The following TFAP4 variants were observed in gnomAD, a reference collection of about 807,000 sequenced individuals.
TFAP4 encodes transcription factor AP-4.
In TFAP4, 7 loss-of-function variants were observed where a neutral mutation model predicts 40.4. The ratio of observed to expected loss-of-function variants is 0.17; its 90% confidence interval spans 0.10 to 0.33. The LOEUF (loss-of-function observed/expected upper bound fraction) is 0.33. Ranked by LOEUF, TFAP4 falls within the 10% of genes least tolerant of loss-of-function variation. The pLI is 1.00. For synonymous variants in TFAP4, 218 were observed against 181.4 expected (o/e 1.20, Z -1.62); for missense variants, 374 against 451.1 (o/e 0.83, Z 1.55).
intron 1 of TFAP4, chr16:4,263,492 G>T (rs1388965570): frequency 6.6e-6 from 1 of 152,264 alleles, no homozygotes; most frequent in Non-Finnish European, 1.5e-5. Context: ...GACTGAGGAA[G>T]ACGTCCCCAC....
chr16:4,260,023 T>G (rs924072006), intron 6 of TFAP4, 67 bp downstream of exon 6: 3 of 1,493,934 alleles, frequency 2.0e-6, no homozygotes, highest in Non-Finnish European at 2.7e-6. Flanking sequence ...TCTTTTCCAG[T>G]CTCCCCTAAA....
intron 1 of TFAP4, among the ~76,000 whole-genome samples, chr16:4,271,415 G>A (rs1271417938): frequency 2.0e-5 from 3 of 152,236 alleles, no homozygotes; most frequent in African/African-American, 7.2e-5. Flanking sequence ...AGGGGCCACA[G>A]GTCCCAAACT....
At chr16:4,262,746 A>T (rs367668965) in intron 1 of TFAP4, 45 bp from the exon 2 acceptor site, 1 of 1,590,652 alleles carries the variant, frequency 6.3e-7, no homozygotes, top group Non-Finnish European at 8.5e-7. Context: ...CGCCCTCTTC[A>T]TCATTCATCT....
intron 4 of TFAP4, 92 bp downstream of exon 4, chr16:4,261,687 G>A: frequency 2.2e-6 from 3 of 1,376,420 alleles, no homozygotes; most frequent in South Asian, 1.5e-5. Flanking sequence ...CTGTAAATAG[G>A]GCTCCACCGA....
In TFAP4 at chr16:4,257,786, T is replaced by G. The variant is rs2052908367; in HGVS notation, c.*269A>C. On this transcript the variant is annotated 3_prime_UTR_variant, in exon 7 of 7. Transcript: ENST00000204517. The stretch of plus-strand genomic sequence containing the variant: ...TTTTGGCAGAGAGAGGCCAGGCATC[T>G]CCGTGTCAGCTTCCTCCAGCCCCCG... The G allele has an allele frequency of 2.6e-6, 1 of 388,884 alleles. No individual in the cohort carries two copies. The highest frequency in any genetic ancestry group is 6.5e-5 in the South Asian group (1 of 15,376). The allele number at this position is 388,884 out of a possible 1,614,324, so 24.1% of individuals were successfully genotyped here.
chr16:4,271,105 G>A (rs2053036567), intron 1 of TFAP4, among the ~76,000 whole-genome samples: 1 of 152,270 alleles, frequency 6.6e-6, no homozygotes, highest in Non-Finnish European at 1.5e-5. Flanking sequence ...GCAAGGGCCA[G>A]CCCTCGGGGC....
At chr16:4,269,810 A>AAAAC (rs34126956) in intron 1 of TFAP4, among the ~76,000 whole-genome samples, 32 of 150,608 alleles carry the variant, frequency 2.1e-4, no homozygotes, top group African/African-American at 2.9e-4. Context: ...AGTCCATCTC[A>AAAAC]AAACAAACAA....
chr16:4,259,202 C>T (rs1262714968), intron 6 of TFAP4, among the ~76,000 whole-genome samples: 1 of 152,026 alleles, frequency 6.6e-6, no homozygotes, highest in Non-Finnish European at 1.5e-5. Context: ...GGTGCAATCT[C>T]AGCTCACTGC....
intron 6 of TFAP4, chr16:4,258,533 TCCC>T: frequency 3.4e-6 from 1 of 291,552 alleles, no homozygotes; most frequent in South Asian, 1.1e-4. Flanking sequence ...TACTGCTCCC[TCCC>T]TAGTAGCTGG....
At chr16:4,267,340 A>C (rs2053006162) in intron 1 of TFAP4, among the ~76,000 whole-genome samples, 1 of 152,186 alleles carries the variant, frequency 6.6e-6, no homozygotes, top group African/African-American at 2.4e-5. Flanking sequence ...AGCCACACCA[A>C]GGCTCTCTTG....
intron 6 of TFAP4, among the ~76,000 whole-genome samples, chr16:4,259,609 G>C (rs1281052084): frequency 6.6e-6 from 1 of 151,904 alleles, no homozygotes; most frequent in Non-Finnish European, 1.5e-5. Context: ...TTCTGATCTT[G>C]GGCTCCTCAA....
In TFAP4 at chr16:4,265,609, C is replaced by CAAAAAAAAAAAA. The variant is rs71394667; in HGVS notation, c.90-2920_90-2909dup. 12 of 39,092 alleles carry CAAAAAAAAAAAA rather than the reference C, an allele frequency of 3.1e-4. 2 individuals are homozygous for CAAAAAAAAAAAA. The highest frequency in any genetic ancestry group is 1.1e-3 in the African/African-American group (10 of 9,192). 2.4% of individuals were successfully genotyped at this position (39,092 alleles called of 1,614,324 possible). A position where few individuals can be genotyped will look rare whatever the true frequency, so the allele number is the denominator to read the frequency against. On this transcript the variant is annotated intron_variant, in intron 1 of 6. Coordinates refer to ENST00000204517, the MANE Select transcript of TFAP4 (RefSeq NM_003223.3). ...TGGGCAACAGAGTGAGACCTTGTCT[C>CAAAAAAAAAAAA]AAAAAAAAAAAAAAAAAAAAAAAAA...
chr16:4,262,792 G>A, intron 1 of TFAP4, 91 bp from the exon 2 acceptor site: 4 of 1,445,714 alleles, frequency 2.8e-6, no homozygotes, highest in African/African-American at 1.4e-5. Flanking sequence ...TCCCTCCCCT[G>A]CTGCAAAAGA....
At chr16:4,261,646 A>G in intron 4 of TFAP4, 133 bp downstream of exon 4, 1 of 1,059,576 alleles carries the variant, frequency 9.4e-7, no homozygotes, top group Non-Finnish European at 1.3e-6. Flanking sequence ...CTTGCTCCCC[A>G]CTCCTAGGCC....
rs1262660119 is a variant in TFAP4, at chr16:4,258,261, C to T, written c.823-12G>A. 6 of 1,563,002 alleles carry T rather than the reference C, an allele frequency of 3.8e-6. No individual in the cohort carries two copies. Among genetic ancestry groups the T allele is most frequent in the Admixed American group, 1.8e-5 (1 of 54,140 alleles). On this transcript the variant is annotated splice_polypyrimidine_tract_variant and intron_variant, in intron 6 of 6. Coordinates refer to ENST00000204517, the MANE Select transcript of TFAP4 (RefSeq NM_003223.3). ...ATGTGCTGGATTGCCTGGACAGGGA[C>T]GAACCACTGAGAAGGCTCGGCCGGG...
At chr16:4,271,863 G>T (rs962918806) in intron 1 of TFAP4, among the ~76,000 whole-genome samples, 1 of 152,212 alleles carries the variant, frequency 6.6e-6, no homozygotes, top group African/African-American at 2.4e-5. Context: ...GGGAAAGCGT[G>T]GCCCAGGAGC....
intron 1 of TFAP4, chr16:4,263,575 C>G (rs1267860444): frequency 2.0e-5 from 3 of 152,466 alleles, no homozygotes; most frequent in Admixed American, 6.5e-5. Context: ...TCACAGAAGA[C>G]AAGTACCACT....
In TFAP4 at chr16:4,272,809, G is replaced by A; in HGVS notation, c.-63C>T. 2.1e-6 allele frequency: 3 copies of A among 1,431,952 alleles called. No homozygotes were observed. The highest frequency in any genetic ancestry group is 5.5e-5 in the East Asian group (2 of 36,630). 88.7% of individuals were successfully genotyped at this position (1,431,952 alleles called of 1,614,324 possible). A position where few individuals can be genotyped will look rare whatever the true frequency, so the allele number is the denominator to read the frequency against. ...GCGATCAGCCGGAGAATGCAAGATGGAAATCCGAATCAAAGGGCAGCGCCG... is the reference window on the plus strand; with the variant it reads ...GCGATCAGCCGGAGAATGCAAGATGAAAATCCGAATCAAAGGGCAGCGCCG... On this transcript the variant is annotated 5_prime_UTR_variant, in exon 1 of 7. Coordinates refer to ENST00000204517, the MANE Select transcript of TFAP4 (RefSeq NM_003223.3).
intron 1 of TFAP4, chr16:4,267,244 G>A (rs2053005424): frequency 6.6e-6 from 1 of 152,340 alleles, no homozygotes; most frequent in Non-Finnish European, 1.5e-5. Context: ...ATGTTGGTCA[G>A]GCTGGTCTCG....
Sources: allele counts gnomAD v4.1 joint callset (sites outside exome capture counted in the v4.1 genomes callset), GRCh38; gene constraint gnomAD v4.1.1; transcripts MANE v1.5; gene names NCBI Gene and HGNC (gene_info 2026-07-23, HGNC 2026-07-21).